Variants in KCNMA1 observed in about 807,000 individuals in gnomAD.
KCNMA1 encodes potassium calcium-activated channel subfamily M alpha 1.
In KCNMA1, 29 loss-of-function variants were observed where a neutral mutation model predicts 140.0. That is an observed-to-expected ratio of 0.21 (90% CI 0.15 to 0.28). The LOEUF (loss-of-function observed/expected upper bound fraction) is 0.28. KCNMA1 is among the 10% of genes least tolerant of loss of function. The pLI, the probability that KCNMA1 is intolerant of heterozygous loss-of-function variation, is 1.00. For missense variants in KCNMA1, 880 were observed against 1,602.2 expected (o/e 0.55, Z 7.70); for synonymous variants, 612 against 611.9 (o/e 1.00, Z 0.00).
rs60927086 is a variant in KCNMA1, at chr10:77,171,400, C to CGTGTGTGTGT, written c.808+12011_808+12020dup. On this transcript the variant is annotated intron_variant, in intron 5 of 27. Transcript: ENST00000286628. ...AAGTACGTGTGCGTGTGTGTGTGTG[C>CGTGTGTGTGT]GTGTGTGTGTGTGTGTGTGTGTGTG... Among the ~76,000 whole-genome samples, 838 of 128,972 alleles carry CGTGTGTGTGT rather than the reference C, an allele frequency of 6.5e-3. 6 individuals are homozygous for CGTGTGTGTGT. The highest frequency in any genetic ancestry group is 0.013 in the African/African-American group (489 of 38,452). 84.6% of individuals were successfully genotyped at this position (128,972 alleles called of 152,430 possible). A position where few individuals can be genotyped will look rare whatever the true frequency, so the allele number is the denominator to read the frequency against.
intron 1 of KCNMA1, among the ~76,000 whole-genome samples, chr10:77,407,634 C>A (rs1204437646): frequency 2.0e-5 from 3 of 152,218 alleles, no homozygotes; most frequent in Non-Finnish European, 2.9e-5. Flanking sequence ...CCCACCTGGG[C>A]TTGTACCTGC....
intron 2 of KCNMA1, among the ~76,000 whole-genome samples, chr10:77,306,046 G>C (rs554367561): frequency 6.6e-6 from 1 of 152,290 alleles, no homozygotes; most frequent in African/African-American, 2.4e-5. Context: ...TTCACCCCCA[G>C]TGGTGCTCTG....
chr10:77,599,816 GATA>G (rs1426865082), intron 1 of KCNMA1, among the ~76,000 whole-genome samples: 2 of 152,162 alleles, frequency 1.3e-5, no homozygotes, highest in Non-Finnish European at 2.9e-5. Context: ...GGACCCGGAA[GATA>G]ATGACACCAC....
At chr10:77,303,062 C>A (rs72642268) in intron 2 of KCNMA1, among the ~76,000 whole-genome samples, 9,330 of 152,152 alleles carry the variant, frequency 0.061, 592 homozygotes, top group East Asian at 0.31. Flanking sequence ...AAATTACTAA[C>A]CTCTCTGGCC....
In KCNMA1 at chr10:77,406,919, G is replaced by A. The variant is rs117670863; in HGVS notation, c.379-2896C>T. Among the ~76,000 whole-genome samples the A allele has an allele frequency of 5.1e-3, 778 of 152,226 alleles. 4 individuals are homozygous for A. The highest frequency in any genetic ancestry group is 6.3e-3 in the Non-Finnish European group (426 of 68,016). On this transcript the variant is annotated intron_variant, in intron 1 of 27. Coordinates refer to ENST00000286628, the MANE Select transcript of KCNMA1 (RefSeq NM_001161352.2). Reference sequence around the variant, plus strand: ...TTCCACAGCCCCTTGGTAGACCCTGGAGAGGAGAAATCAACGTGAAAAAGG... The same window carrying A: ...TTCCACAGCCCCTTGGTAGACCCTGAAGAGGAGAAATCAACGTGAAAAAGG...
At chr10:77,516,037 T>C (rs960221106) in intron 1 of KCNMA1, among the ~76,000 whole-genome samples, 2 of 152,146 alleles carry the variant, frequency 1.3e-5, no homozygotes, top group South Asian at 4.1e-4. Flanking sequence ...CAGGAGCAAA[T>C]GTTTTCTGAG....
At chr10:77,304,864 T>C (rs552440280) in intron 2 of KCNMA1, among the ~76,000 whole-genome samples, 75 of 152,340 alleles carry the variant, frequency 4.9e-4, no homozygotes, top group African/African-American at 1.5e-3. Context: ...CCAAAGGCCA[T>C]TGCGGTCCAA....
chr10:77,137,902 C>G (rs1047289645), intron 5 of KCNMA1, among the ~76,000 whole-genome samples: 2 of 150,990 alleles, frequency 1.3e-5, no homozygotes, highest in African/African-American at 4.8e-5. Flanking sequence ...CCGCCTCAGC[C>G]CCCCAAGTAG....
At chr10:77,467,827 A>C (rs1039490509) in intron 1 of KCNMA1, among the ~76,000 whole-genome samples, 3 of 152,224 alleles carry the variant, frequency 2.0e-5, no homozygotes, top group Non-Finnish European at 4.4e-5. Flanking sequence ...TTATGTACAC[A>C]TTCCTGGAGA....
chr10:77,427,446 G>A (rs954233844), intron 1 of KCNMA1, among the ~76,000 whole-genome samples: 1 of 152,174 alleles, frequency 6.6e-6, no homozygotes, highest in Admixed American at 6.5e-5. Flanking sequence ...CACCACAGAG[G>A]GTGTTAGCTG....
At chr10:77,459,529 A>G (rs1430570444) in intron 1 of KCNMA1, among the ~76,000 whole-genome samples, 2 of 152,258 alleles carry the variant, frequency 1.3e-5, no homozygotes, top group Admixed American at 1.3e-4. Flanking sequence ...GTTGCCTCCA[A>G]GAACTGTCTA....
chr10:77,279,848 C>G (rs1463737511), intron 2 of KCNMA1, among the ~76,000 whole-genome samples: 2 of 152,222 alleles, frequency 1.3e-5, no homozygotes, highest in Non-Finnish European at 2.9e-5. Flanking sequence ...TTCTTGCCTG[C>G]TGCCATATAA....
chr10:76,967,179 T>C (rs1033522420), intron 20 of KCNMA1, among the ~76,000 whole-genome samples: 1 of 152,198 alleles, frequency 6.6e-6, no homozygotes, highest in Non-Finnish European at 1.5e-5. Flanking sequence ...GAGCTATTCC[T>C]GTCACTGCCC....
intron 1 of KCNMA1, among the ~76,000 whole-genome samples, chr10:77,525,953 C>T (rs57894002): frequency 0.11 from 17,019 of 152,094 alleles, 1,868 homozygotes; most frequent in African/African-American, 0.29. Context: ...AGGCAAGTGG[C>T]CTGGTTTTGG....
At chr10:77,170,908 CAT>C (rs1275498024) in intron 5 of KCNMA1, among the ~76,000 whole-genome samples, 1 of 152,132 alleles carries the variant, frequency 6.6e-6, no homozygotes, top group Admixed American at 6.5e-5. Flanking sequence ...TATGGAATAT[CAT>C]AGGATGAGTA....
downstream of KCNMA1, chr10:76,872,590 T>G (rs2031563699): frequency 6.6e-6 from 1 of 152,176 alleles, no homozygotes; most frequent in African/African-American, 2.4e-5. Context: ...CTACACAAAC[T>G]TATCACAGTA....
intron 2 of KCNMA1, among the ~76,000 whole-genome samples, chr10:77,396,344 G>T (rs1209936620): frequency 1.3e-5 from 2 of 152,170 alleles, no homozygotes. Flanking sequence ...GACAGAGAGA[G>T]AGAGAAGTGT....
chr10:77,175,547 T>A (rs758041060), intron 5 of KCNMA1, among the ~76,000 whole-genome samples: 1 of 152,168 alleles, frequency 6.6e-6, no homozygotes, highest in Admixed American at 6.5e-5. Context: ...ATTGCTATCA[T>A]GGAAGCTGCA....
At chr10:77,086,950 C>T (rs1389457997) in intron 10 of KCNMA1, among the ~76,000 whole-genome samples, 1 of 152,172 alleles carries the variant, frequency 6.6e-6, no homozygotes, top group African/African-American at 2.4e-5. Context: ...CCAGAGGGTG[C>T]CCAGATCCAG....
Sources: allele counts gnomAD v4.1 joint callset (sites outside exome capture counted in the v4.1 genomes callset), GRCh38; gene constraint gnomAD v4.1.1; transcripts MANE v1.5; gene names NCBI Gene and HGNC (gene_info 2026-07-23, HGNC 2026-07-21).